The following AIMP1 variants were observed in gnomAD, a reference collection of about 807,000 sequenced individuals.
AIMP1 encodes aminoacyl tRNA synthetase complex interacting multifunctional protein 1, also known as aminoacyl tRNA synthase complex-interacting multifunctional protein 1.
Under a neutral mutation model 33.1 loss-of-function variants are expected in AIMP1, and 24 were observed. The observed-to-expected ratio is 0.73, with a 90% CI of 0.53 to 1.02. The LOEUF (loss-of-function observed/expected upper bound fraction) is 1.02. AIMP1 is among the 50% of genes least tolerant of loss of function. AIMP1 has a pLI of 0.00. For missense variants in AIMP1, 367 were observed against 364.8 expected (o/e 1.01, Z -0.05); for synonymous variants, 120 against 121.5 (o/e 0.99, Z 0.08).
intron 6 of AIMP1, among the ~76,000 whole-genome samples, chr4:106,340,927 T>G (rs977974385): frequency 2.0e-5 from 3 of 152,170 alleles, no homozygotes; most frequent in African/African-American, 7.2e-5. Context: ...CACCAACATC[T>G]TATTTTTGTT....
intron 5 of AIMP1, among the ~76,000 whole-genome samples, chr4:106,332,436 G>A: frequency 6.6e-6 from 1 of 151,600 alleles, no homozygotes. Context: ...CCATGATGAA[G>A]CAGTGATAAA....
intron 4 of AIMP1, among the ~76,000 whole-genome samples, chr4:106,331,397 C>G (rs1769670575): frequency 6.6e-6 from 1 of 152,142 alleles, no homozygotes; most frequent in Non-Finnish European, 1.5e-5. Context: ...TTTATGAAAA[C>G]AGGCAACAGG....
chr4:106,332,190 A>G (rs990370193), intron 5 of AIMP1, among the ~76,000 whole-genome samples: 1 of 152,064 alleles, frequency 6.6e-6, no homozygotes, highest in Non-Finnish European at 1.5e-5. Flanking sequence ...GTATATATAT[A>G]TAAAATATAT....
chr4:106,344,029 G>A (rs1203767326), intron 6 of AIMP1, among the ~76,000 whole-genome samples: 2 of 152,096 alleles, frequency 1.3e-5, no homozygotes, highest in Non-Finnish European at 2.9e-5. Flanking sequence ...CTTTGGGTAA[G>A]ATCACCAGTC....
intron 4 of AIMP1, 25 bp from the exon 5 acceptor site, chr4:106,331,647 T>A (rs1219034677): frequency 1.3e-6 from 2 of 1,598,596 alleles, no homozygotes; most frequent in South Asian, 1.1e-5. Context: ...TTTCTGATGT[T>A]TACCCATTCA....
Position 106,324,923 on chromosome 4 carries a change from T to G in AIMP1, c.-25-62T>G, listed in dbSNP as rs999088197. On this transcript the variant is annotated intron_variant, in intron 1 of 6. Coordinates refer to ENST00000672341, the MANE Select transcript of AIMP1 (RefSeq NM_001142416.2). ...TTCCTTTCAGACTGCTTTTTCATAG[T>G]GGCCTATAGTATAAATTTATTCCTT... 3.3e-5 allele frequency: 43 copies of G among 1,307,794 alleles called. No homozygotes were observed. In the African/African-American group the frequency reaches 3.6e-4, roughly 11 times the overall value. The allele number at this position is 1,307,794 out of a possible 1,614,324, so 81.0% of individuals were successfully genotyped here.
chr4:106,326,587 A>G (rs980270048), intron 2 of AIMP1, among the ~76,000 whole-genome samples: 6 of 152,170 alleles, frequency 3.9e-5, no homozygotes, highest in African/African-American at 1.4e-4. Context: ...CACTCATTGA[A>G]TGTTTGATTA....
intron 6 of AIMP1, among the ~76,000 whole-genome samples, chr4:106,340,820 T>A (rs1770068105): frequency 6.6e-6 from 1 of 152,250 alleles, no homozygotes; most frequent in Non-Finnish European, 1.5e-5. Context: ...ATGGGATTGC[T>A]AGGTCAAATG....
rs1359143400 is a variant in AIMP1 at position 106,348,410 on chromosome 4, A to G, written c.*718A>G. On this transcript the variant is annotated 3_prime_UTR_variant, in exon 7 of 7. Coordinates refer to ENST00000672341, the MANE Select transcript of AIMP1 (RefSeq NM_001142416.2). ...AGTAGTTTCTAATAAATTGATCATA[A>G]AAGCAGCTATCCTTTTTTTTTTTAA... 6.6e-6 allele frequency: 1 copy of G among 150,514 alleles called. No individual in the cohort carries two copies. Among genetic ancestry groups the G allele is most frequent in the Non-Finnish European group, 1.5e-5 (1 of 67,414 alleles). The allele number at this position is 150,514 out of a possible 1,614,324, so 9.3% of individuals were successfully genotyped here. A position where few individuals can be genotyped will look rare whatever the true frequency, so the allele number is the denominator to read the frequency against.
At chr4:106,332,617 A>G (rs1344602259) in intron 5 of AIMP1, among the ~76,000 whole-genome samples, 1 of 100,160 alleles carries the variant, frequency 1.0e-5, no homozygotes, top group Non-Finnish European at 2.2e-5. Context: ...AGAGATACAT[A>G]TATATATATA....
chr4:106,325,683 T>G (rs1002795003), intron 2 of AIMP1, among the ~76,000 whole-genome samples: 14 of 152,192 alleles, frequency 9.2e-5, no homozygotes, highest in Non-Finnish European at 1.6e-4. Context: ...ATCTTTCTAC[T>G]TATTCTTCAC....
chr4:106,336,911 G>C lies in AIMP1; in HGVS notation c.646G>C (p.Ala216Pro), dbSNP rs753639478. The C allele has an allele frequency of 1.2e-6, 2 of 1,614,026 alleles. No homozygotes were observed. The highest frequency in any genetic ancestry group is 3.3e-5 in the Admixed American group (2 of 60,020). ...GATTTTACTTTGTAACCTGAAACCT[G>C]CAAAGATGAGGGGAGTATTATCTCA... ...MVILLCNLKP[A>P]KMRGVLSQAM... Residue 216 changes from alanine (A) to proline (P), a missense_variant, in exon 6 of 7, where the codon GCA (alanine) becomes CCA (proline). Ala to Pro is a conservative substitution (Grantham distance 27). Transcript: ENST00000672341.
chr4:106,328,148 C>T lies in AIMP1; in HGVS notation c.296C>T (p.Ser99Phe). The T allele has an allele frequency of 1.2e-6, 2 of 1,613,428 alleles. No homozygotes were observed. The highest frequency in any genetic ancestry group is 1.7e-4 in the Middle Eastern group (1 of 6,056). Residue 99 changes from serine (S) to phenylalanine (F), a missense_variant, in exon 4 of 7, where the codon TCT becomes TTT. By Grantham distance (155) the Ser-to-Phe change is radical. Coordinates refer to ENST00000672341, the MANE Select transcript of AIMP1 (RefSeq NM_001142416.2). ...NSMVSENVIQ[S>F]TAVTTVSSGT... ...ATGGTTTCTGAAAATGTGATACAGT[C>T]TACAGCAGTAACAACCGTATCTTCT... is the stretch of plus-strand genomic sequence containing the variant.
intron 6 of AIMP1, among the ~76,000 whole-genome samples, chr4:106,341,145 A>G (rs1370036469): frequency 6.6e-6 from 1 of 152,054 alleles, no homozygotes; most frequent in South Asian, 2.1e-4. Flanking sequence ...TGGATTCTAG[A>G]TATTAGAGTT....
At chr4:106,326,334 G>A (rs1430309367) in intron 2 of AIMP1, among the ~76,000 whole-genome samples, 1 of 152,070 alleles carries the variant, frequency 6.6e-6, no homozygotes, top group Non-Finnish European at 1.5e-5. Flanking sequence ...AGTTCTGCAG[G>A]ATGTGAAACA....
intron 4 of AIMP1, among the ~76,000 whole-genome samples, chr4:106,331,418 C>T (rs572264927): frequency 6.6e-6 from 1 of 152,260 alleles, no homozygotes; most frequent in South Asian, 2.1e-4. Context: ...CTGGATTTGT[C>T]CCATGAGCCA....
At chr4:106,338,718 A>G (rs1769985726) in intron 6 of AIMP1, among the ~76,000 whole-genome samples, 1 of 152,192 alleles carries the variant, frequency 6.6e-6, no homozygotes, top group South Asian at 2.1e-4. Context: ...GGCACTGCCT[A>G]GTGGAGCTGT....
In AIMP1 at chr4:106,319,491, G is replaced by A. The variant is rs190186111; in HGVS notation, c.-26+2897G>A. 1.1e-4 allele frequency among the ~76,000 whole-genome samples: 16 copies of A among 152,094 alleles called. No homozygotes were observed. In the South Asian group the frequency reaches 2.3e-3, roughly 22 times the overall value. On this transcript the variant is annotated intron_variant, in intron 1 of 6. Coordinates refer to ENST00000672341, the MANE Select transcript of AIMP1 (RefSeq NM_001142416.2). ...GAAGTATGATAATTAACATTGAGAA[G>A]GACAAAATTAATGTGAAGGGACAGA...
chr4:106,332,007 A>T, intron 5 of AIMP1, 124 bp downstream of exon 5: 3 of 917,582 alleles, frequency 3.3e-6, no homozygotes, highest in Non-Finnish European at 3.5e-6. Context: ...AGTTCAGTCG[A>T]TTAGTTTGAA....
Sources: allele counts gnomAD v4.1 joint callset (sites outside exome capture counted in the v4.1 genomes callset), GRCh38; gene constraint gnomAD v4.1.1; transcripts MANE v1.5; gene names NCBI Gene and HGNC (gene_info 2026-07-23, HGNC 2026-07-21).